Variants in KCNK10 observed in about 807,000 individuals in gnomAD.
The protein encoded by KCNK10 is potassium two pore domain channel subfamily K member 10.
A neutral mutation model predicts 47.7 loss-of-function variants in KCNK10; 25 were observed. The observed-to-expected ratio is 0.52, with a 90% CI of 0.38 to 0.73. The LOEUF (loss-of-function observed/expected upper bound fraction) is 0.73. Ranked by LOEUF, KCNK10 falls within the 30% of genes least tolerant of loss-of-function variation. KCNK10 has a pLI of 0.00. For synonymous variants in KCNK10, 303 were observed against 285.6 expected (o/e 1.06, Z -0.61); for missense variants, 563 against 714.5 (o/e 0.79, Z 2.42).
chr14:88,243,050 T>C (rs548116119), intron 2 of KCNK10, among the ~76,000 whole-genome samples: 3 of 152,128 alleles, frequency 2.0e-5, no homozygotes, highest in African/African-American at 7.2e-5. Flanking sequence ...CAAAAGACAA[T>C]GGGGACGATG....
Position 88,285,084 on chromosome 14 carries a change from A to G in KCNK10, c.53-21533T>C, listed in dbSNP as rs548931756. ...AACTAAATAAGTTTGCATTAAACTCACTTTGTGTCTTGTTTTAAATAGTGT... is the reference window on the plus strand; with the variant it reads ...AACTAAATAAGTTTGCATTAAACTCGCTTTGTGTCTTGTTTTAAATAGTGT... On this transcript the variant is annotated intron_variant, in intron 1 of 6. Transcript: ENST00000319231. Among the ~76,000 whole-genome samples the G allele has an allele frequency of 2.0e-5, 3 of 152,220 alleles. No individual in the cohort carries two copies. The South Asian group carries it at 6.2e-4, about 32-fold the overall frequency.
chr14:88,326,314 G>A, upstream of KCNK10: 1 of 913,738 alleles, frequency 1.1e-6, no homozygotes. Flanking sequence ...TGGGGATGGA[G>A]GGAGACCTCC....
chr14:88,299,695 T>C (rs1020403739), intron 1 of KCNK10, among the ~76,000 whole-genome samples: 2 of 152,232 alleles, frequency 1.3e-5, no homozygotes, highest in South Asian at 2.1e-4. Flanking sequence ...TATGATTTCA[T>C]AGGTACTAGT....
intron 3 of KCNK10, among the ~76,000 whole-genome samples, chr14:88,233,162 T>A (rs551911290): frequency 6.6e-6 from 1 of 152,120 alleles, no homozygotes; most frequent in Non-Finnish European, 1.5e-5. Flanking sequence ...TTGACCCCAG[T>A]AAATAGAAGG....
Position 88,295,542 on chromosome 14 carries a change from C to A in KCNK10, c.52+27205G>T, listed in dbSNP as rs1887968139. Among the ~76,000 whole-genome samples the A allele has an allele frequency of 2.6e-5, 4 of 152,104 alleles. No individual in the cohort carries two copies. In the South Asian group the frequency reaches 8.3e-4, roughly 32 times the overall value. On this transcript the variant is annotated intron_variant, in intron 1 of 6. Coordinates refer to ENST00000319231, the MANE Select transcript of KCNK10 (RefSeq NM_138317.3). The stretch of plus-strand genomic sequence containing the variant: ...AGGCGTGGTGGCGGGCACCTGTAGT[C>A]CCAGCTACTCGGGAGGCTGAGGCAG...
In KCNK10 at chr14:88,260,278, C is replaced by G. The variant is rs774799261; in HGVS notation, c.402+2924G>C. Reference sequence around the variant, plus strand: ...TGTTTAAAAGTGTGTAGCATCCCTCCCTTTGCTCTCTCTTCCTCCTGCTCC... The same window carrying G: ...TGTTTAAAAGTGTGTAGCATCCCTCGCTTTGCTCTCTCTTCCTCCTGCTCC... On this transcript the variant is annotated intron_variant, in intron 2 of 6. Transcript: ENST00000319231. The surrounding 1 kb of genome is among the most constrained non-coding windows in gnomAD (Gnocchi z 4.5). 3.3e-5 allele frequency among the ~76,000 whole-genome samples: 5 copies of G among 152,132 alleles called. No homozygotes were observed. Among genetic ancestry groups the G allele is most frequent in the African/African-American group, 1.2e-4 (5 of 41,420 alleles).
In KCNK10 at chr14:88,221,459, C is replaced by T. The variant is rs181506759; in HGVS notation, c.681+5916G>A. Among the ~76,000 whole-genome samples, 666 of 152,224 alleles carry T rather than the reference C, an allele frequency of 4.4e-3. 5 individuals are homozygous for T. The highest frequency in any genetic ancestry group is 4.7e-3 in the Non-Finnish European group (320 of 68,002). ...TGGCAAGTAAGCATCTGAAAAGATG[C>T]TCCACATTATACATCATCAGAGAAA... On this transcript the variant is annotated intron_variant, in intron 4 of 6. Transcript: ENST00000319231.
chr14:88,203,683 T>C (rs1885173634), intron 4 of KCNK10, among the ~76,000 whole-genome samples: 1 of 152,168 alleles, frequency 6.6e-6, no homozygotes. Flanking sequence ...GGTGTCCGTC[T>C]CCCTCAGCTC....
chr14:88,225,728 G>A (rs1885961276), intron 4 of KCNK10, among the ~76,000 whole-genome samples: 1 of 152,220 alleles, frequency 6.6e-6, no homozygotes, highest in South Asian at 2.1e-4. Flanking sequence ...ATTGAATCCT[G>A]TTCTGAGTGT....
intron 1 of KCNK10, among the ~76,000 whole-genome samples, chr14:88,293,927 C>T (rs1426209927): frequency 6.6e-6 from 1 of 152,176 alleles, no homozygotes; most frequent in Non-Finnish European, 1.5e-5. Context: ...GATCCTCCTG[C>T]CTCAGCCTCC....
intron 1 of KCNK10, among the ~76,000 whole-genome samples, chr14:88,280,967 T>TGCAA (rs1330654984): frequency 6.6e-6 from 1 of 150,782 alleles, no homozygotes; most frequent in Non-Finnish European, 1.5e-5. Flanking sequence ...TAGAATAAAA[T>TGCAA]GCAAGCCCCT....
In KCNK10 at chr14:88,309,485, C is replaced by T. The variant is rs1888267736; in HGVS notation, c.52+13262G>A. Reference sequence around the variant, plus strand: ...AGTCTGGGGGCACATGCCTATAGTCCCAGCTACTCAGGAGGCTGAGGTGGG... The same window carrying T: ...AGTCTGGGGGCACATGCCTATAGTCTCAGCTACTCAGGAGGCTGAGGTGGG... On this transcript the variant is annotated intron_variant, in intron 1 of 6. Transcript: ENST00000319231. 2.0e-5 allele frequency among the ~76,000 whole-genome samples: 3 copies of T among 152,046 alleles called. No homozygotes were observed. The South Asian group carries it at 6.2e-4, about 32-fold the overall frequency.
At chr14:88,289,240 C>CTCCT (rs1390645046) in intron 1 of KCNK10, among the ~76,000 whole-genome samples, 7 of 152,288 alleles carry the variant, frequency 4.6e-5, no homozygotes, top group Admixed American at 3.3e-4. Context: ...CTGAATGTAC[C>CTCCT]TCCTTCTTTG....
chr14:88,191,951 A>G (rs1342627241), intron 5 of KCNK10, among the ~76,000 whole-genome samples: 2 of 152,224 alleles, frequency 1.3e-5, no homozygotes, highest in Non-Finnish European at 1.5e-5. Flanking sequence ...TTAATGAGAA[A>G]TTCACTTTAG....
rs990247579 is a variant in KCNK10 at position 88,260,704 on chromosome 14, G to A, written c.402+2498C>T. Among the ~76,000 whole-genome samples the A allele has an allele frequency of 7.2e-5, 11 of 152,202 alleles. No individual in the cohort carries two copies. The highest frequency in any genetic ancestry group is 5.9e-4 in the Admixed American group (9 of 15,276). ...AATCGTGATATGAACTTAGAGTGTTGTTGATAAGATTAAATGAGATAATGG... is the reference window on the plus strand; with the variant it reads ...AATCGTGATATGAACTTAGAGTGTTATTGATAAGATTAAATGAGATAATGG... On this transcript the variant is annotated intron_variant, in intron 2 of 6. Transcript: ENST00000319231. This position sits in a 1 kb window ranked among gnomAD's most constrained non-coding sequence, Gnocchi z 4.5.
At chr14:88,191,276 C>A (rs1218866991) in intron 5 of KCNK10, among the ~76,000 whole-genome samples, 5 of 147,558 alleles carry the variant, frequency 3.4e-5, no homozygotes, top group East Asian at 2.0e-4. Flanking sequence ...AAAACAAAAA[C>A]AAAAAAAAAC....
intron 1 of KCNK10, among the ~76,000 whole-genome samples, chr14:88,275,270 T>A (rs1353637241): frequency 6.6e-6 from 1 of 151,770 alleles, no homozygotes; most frequent in African/African-American, 2.4e-5. Context: ...CTTCCTACTC[T>A]TCCCCGTGGC....
intron 2 of KCNK10, among the ~76,000 whole-genome samples, chr14:88,242,782 A>G (rs1366000341): frequency 6.6e-6 from 1 of 152,206 alleles, no homozygotes; most frequent in Non-Finnish European, 1.5e-5. Flanking sequence ...CCATCAGACC[A>G]AGCCACAAAG....
intron 1 of KCNK10, among the ~76,000 whole-genome samples, chr14:88,309,038 G>A (rs1245888561): frequency 2.6e-5 from 4 of 152,124 alleles, no homozygotes; most frequent in African/African-American, 9.7e-5. Context: ...TTGGCTAAAC[G>A]GTTAGTTTCA....
Sources: gnomAD v4.1 joint callset for allele counts (sites outside exome capture counted in the v4.1 genomes callset) on GRCh38, gnomAD v4.1.1 for gene constraint, Gnocchi (gnomAD v3.1) non-coding constraint, MANE v1.5 for transcripts, NCBI Gene and HGNC (gene_info 2026-07-23, HGNC 2026-07-21) for gene names.